Variants in PCSK2 observed in about 807,000 individuals in gnomAD.
PCSK2 encodes the protein neuroendocrine convertase 2.
PCSK2 carries 14 observed loss-of-function variants against 69.7 expected under a neutral mutation model. The ratio of observed to expected loss-of-function variants is 0.20; its 90% CI spans 0.13 to 0.31. The LOEUF (loss-of-function observed/expected upper bound fraction) is 0.31. PCSK2 is among the 10% of genes least tolerant of loss of function. PCSK2 has a pLI of 1.00. For synonymous variants in PCSK2, 307 were observed against 320.7 expected (o/e 0.96, Z 0.46); for missense variants, 544 against 842.5 (o/e 0.65, Z 4.39).
chr20:17,315,661 G>GC (rs1989664055), intron 2 of PCSK2, among the ~76,000 whole-genome samples: 1 of 152,244 alleles, frequency 6.6e-6, no homozygotes, highest in Admixed American at 6.5e-5. Flanking sequence ...CCAGGGGCGC[G>GC]CCCATCCTTT....
chr20:17,376,145 G>A (rs1258505929), intron 5 of PCSK2, among the ~76,000 whole-genome samples: 1 of 152,132 alleles, frequency 6.6e-6, no homozygotes, highest in African/African-American at 2.4e-5. Flanking sequence ...CTGCTGCCAC[G>A]GCCTGAAGCA....
At chr20:17,248,375 G>T (rs1391104957) in intron 1 of PCSK2, among the ~76,000 whole-genome samples, 1 of 152,050 alleles carries the variant, frequency 6.6e-6, no homozygotes, top group African/African-American at 2.4e-5. Flanking sequence ...GGAATGCATC[G>T]ATCAGCCTTA....
intron 2 of PCSK2, among the ~76,000 whole-genome samples, chr20:17,356,128 C>T (rs780496637): frequency 2.6e-4 from 40 of 151,956 alleles, no homozygotes; most frequent in Admixed American, 7.2e-4. Flanking sequence ...TATATATATA[C>T]ACACATACAT....
At chr20:17,426,173 G>T (rs2032244034) in intron 6 of PCSK2, among the ~76,000 whole-genome samples, 1 of 152,092 alleles carries the variant, frequency 6.6e-6, no homozygotes, top group East Asian at 1.9e-4. Context: ...CTGAATCATG[G>T]GGTCAGTTTC....
At chr20:17,449,715 C>A (rs1195277921) in intron 8 of PCSK2, among the ~76,000 whole-genome samples, 5 of 151,546 alleles carry the variant, frequency 3.3e-5, no homozygotes, top group Non-Finnish European at 7.4e-5. Flanking sequence ...TTAATAGAGA[C>A]GAGGTTTCTC....
In PCSK2 at chr20:17,483,104, A is replaced by G. The variant is rs1164679778; in HGVS notation, c.*1034A>G. The G allele has an allele frequency of 6.6e-6, 1 of 151,730 alleles. No homozygotes were observed. The highest frequency in any genetic ancestry group is 6.6e-5 in the Admixed American group (1 of 15,220). The allele number at this position is 151,730 out of a possible 1,614,324, so 9.4% of individuals were successfully genotyped here. A position where few individuals can be genotyped will look rare whatever the true frequency, so the allele number is the denominator to read the frequency against. ...AGTAATATAATGGAAGAGAAATCTCATACTCCCCCACAGTTTGATGTCATT... is the reference window on the plus strand; with the variant it reads ...AGTAATATAATGGAAGAGAAATCTCGTACTCCCCCACAGTTTGATGTCATT... On this transcript the variant is annotated 3_prime_UTR_variant, in exon 12 of 12. Transcript: ENST00000262545.
chr20:17,306,952 G>A (rs577793628), intron 2 of PCSK2, among the ~76,000 whole-genome samples: 2 of 152,226 alleles, frequency 1.3e-5, no homozygotes, highest in East Asian at 1.9e-4. Context: ...TAATTTGTGA[G>A]GGAAAATAGT....
rs560702551 is a variant in PCSK2 at position 17,358,904 on chromosome 20, A to G, written c.396+464A>G. On this transcript the variant is annotated intron_variant, in intron 3 of 11. Coordinates refer to ENST00000262545, the MANE Select transcript of PCSK2 (RefSeq NM_002594.5). ...GACTAAAGTAGCAAAAAGAGCATCT[A>G]TTAATGCTTCCTAAAACAATGGCAG... Among the ~76,000 whole-genome samples, 10 of 152,366 alleles carry G rather than the reference A, an allele frequency of 6.6e-5. No homozygotes were observed. The South Asian group carries it at 1.4e-3, about 22-fold the overall frequency.
At chr20:17,348,087 G>GAA (rs1254843732) in intron 2 of PCSK2, among the ~76,000 whole-genome samples, 6 of 141,290 alleles carry the variant, frequency 4.2e-5, no homozygotes, top group African/African-American at 1.3e-4. Flanking sequence ...AAGAAAGAAA[G>GAA]AAAGAAAGAA....
intron 5 of PCSK2, among the ~76,000 whole-genome samples, chr20:17,404,096 T>C (rs1808494748): frequency 6.6e-6 from 1 of 152,076 alleles, no homozygotes; most frequent in African/African-American, 2.4e-5. Context: ...CACCTTGGGG[T>C]GTGGGGGTGG....
At chr20:17,285,141 T>C (rs1237027134) in intron 2 of PCSK2, among the ~76,000 whole-genome samples, 1 of 152,226 alleles carries the variant, frequency 6.6e-6, no homozygotes, top group East Asian at 1.9e-4. Flanking sequence ...ACTATATTTC[T>C]GTCCAGAATT....
upstream of PCSK2, chr20:17,226,867 T>A (rs1015516343): frequency 1.9e-4 from 1 of 5,316 alleles, no homozygotes; most frequent in Non-Finnish European, 4.0e-4. Flanking sequence ...GGGCCGGGGG[T>A]GGGCGGGGGC....
In PCSK2 at chr20:17,244,895, G is replaced by A. The variant is rs146175195; in HGVS notation, c.178-15345G>A. Among the ~76,000 whole-genome samples, 187 of 152,290 alleles carry A rather than the reference G, an allele frequency of 1.2e-3. 2 individuals carry two copies. Among genetic ancestry groups the A allele is most frequent in the African/African-American group, 4.1e-3 (170 of 41,564 alleles). ...ATTTCATCCCCTCATCACTGGGCAC[G>A]GGCGGTGGCCTCTTCCTGCCCAGCC... On this transcript the variant is annotated intron_variant, in intron 1 of 11. Coordinates refer to ENST00000262545, the MANE Select transcript of PCSK2 (RefSeq NM_002594.5).
At chr20:17,457,814 C>T (rs1674135973) in intron 10 of PCSK2, among the ~76,000 whole-genome samples, 2 of 152,166 alleles carry the variant, frequency 1.3e-5, no homozygotes, top group South Asian at 2.1e-4. Flanking sequence ...GCTCCAAAAG[C>T]GAGAAGGGTT....
At chr20:17,270,183 T>C (rs1385519383) in intron 2 of PCSK2, among the ~76,000 whole-genome samples, 1 of 152,128 alleles carries the variant, frequency 6.6e-6, no homozygotes, top group South Asian at 2.1e-4. Flanking sequence ...TTGAAGTTGG[T>C]GATGCCTCAA....
chr20:17,347,872 A>AAAAGAAAGAAAGAAAG (rs201865268), intron 2 of PCSK2, among the ~76,000 whole-genome samples: 2 of 88,816 alleles, frequency 2.3e-5, no homozygotes, highest in Non-Finnish European at 4.2e-5. Flanking sequence ...GGAGAGAGAA[A>AAAAGAAAGAAAGAAAG]AAAGAAAGAA....
At chr20:17,447,550 T>A (rs2032724347) in intron 8 of PCSK2, among the ~76,000 whole-genome samples, 1 of 152,202 alleles carries the variant, frequency 6.6e-6, no homozygotes, top group Non-Finnish European at 1.5e-5. Context: ...ACATATAAAC[T>A]GTTAACAAAC....
chr20:17,446,192 C>G (rs1007669229), intron 8 of PCSK2, among the ~76,000 whole-genome samples: 2 of 152,224 alleles, frequency 1.3e-5, no homozygotes, highest in Non-Finnish European at 2.9e-5. Flanking sequence ...CAGAATAACA[C>G]AGGATTCTGA....
chr20:17,405,412 T>A (rs2031730475), intron 5 of PCSK2, among the ~76,000 whole-genome samples: 1 of 152,086 alleles, frequency 6.6e-6, no homozygotes, highest in African/African-American at 2.4e-5. Flanking sequence ...CTCAGAAGCT[T>A]CTCTGTGGAT....
Sources: gnomAD v4.1 joint callset for allele counts (sites outside exome capture counted in the v4.1 genomes callset) on GRCh38, gnomAD v4.1.1 for gene constraint, MANE v1.5 for transcripts, NCBI Gene and HGNC (gene_info 2026-07-23, HGNC 2026-07-21) for gene names.